ENTREP2: variants seen among roughly 807,000 people sequenced by gnomAD.
ENTREP2 encodes endosomal transmembrane epsin interactor 2, also known as protein ENTREP2.
chr15:29,523,561 ATTTTTTTTTTTTTTTT>A, the ENTREP2 span, among the ~76,000 whole-genome samples: 4 of 78,480 alleles, frequency 5.1e-5, no homozygotes, highest in African/African-American at 1.6e-4. Context: ...TCCCAGCTAG[ATTTTTTTTTTTTTTTT>A]TTTTTTTTTT....
chr15:29,264,841 C>A, the ENTREP2 span, among the ~76,000 whole-genome samples: 3 of 152,090 alleles, frequency 2.0e-5, no homozygotes, highest in African/African-American at 7.2e-5. Flanking sequence ...ACTAACCCCC[C>A]CTTATGTCAA....
At chr15:29,212,649 G>A in the ENTREP2 span, among the ~76,000 whole-genome samples, 3 of 152,090 alleles carry the variant, frequency 2.0e-5, no homozygotes, top group Non-Finnish European at 2.9e-5. Flanking sequence ...TCTTAGCACC[G>A]CCTTTGCTGT....
At chr15:29,368,575 A>T in the ENTREP2 span, among the ~76,000 whole-genome samples, 18 of 152,128 alleles carry the variant, frequency 1.2e-4, no homozygotes, top group African/African-American at 3.6e-4. Context: ...GATAGAAATT[A>T]TAAGAACCAA....
At chr15:29,300,718 C>G in the ENTREP2 span, among the ~76,000 whole-genome samples, 1 of 152,114 alleles carries the variant, frequency 6.6e-6, no homozygotes. Context: ...CCTGCCTCAG[C>G]CTCCCGAGTA....
At chr15:29,652,993 A>G in the ENTREP2 span, among the ~76,000 whole-genome samples, 4 of 151,048 alleles carry the variant, frequency 2.6e-5, no homozygotes, top group Admixed American at 1.3e-4. Flanking sequence ...TCCCATAAGA[A>G]AGGTTCTTAA....
the ENTREP2 span, among the ~76,000 whole-genome samples, chr15:29,655,226 G>A: frequency 1.6e-3 from 241 of 152,290 alleles, no homozygotes; most frequent in African/African-American, 5.6e-3. Context: ...CAGGACCACA[G>A]GACTACAGCT....
At chr15:29,649,944 C>A in the ENTREP2 span, among the ~76,000 whole-genome samples, 3 of 151,942 alleles carry the variant, frequency 2.0e-5, no homozygotes, top group Non-Finnish European at 2.9e-5. Flanking sequence ...CCCTTGGTAA[C>A]TAGAGATGTG....
chr15:29,642,120 T>C, the ENTREP2 span, among the ~76,000 whole-genome samples: 1 of 152,054 alleles, frequency 6.6e-6, no homozygotes, highest in Admixed American at 6.6e-5. Context: ...TTTGCAAAAA[T>C]TGACAAGCTG....
At chr15:29,399,498 T>A in the ENTREP2 span, among the ~76,000 whole-genome samples, 1 of 152,350 alleles carries the variant, frequency 6.6e-6, no homozygotes, top group African/African-American at 2.4e-5. Context: ...CCCAAAGGAA[T>A]TGATTCAGAA....
the ENTREP2 span, among the ~76,000 whole-genome samples, chr15:29,444,366 C>T: frequency 2.0e-5 from 3 of 151,994 alleles, no homozygotes; most frequent in Admixed American, 6.6e-5. Context: ...TTGCGGGGTG[C>T]GGGATAAAAA....
the ENTREP2 span, among the ~76,000 whole-genome samples, chr15:29,224,253 C>G: frequency 6.6e-6 from 1 of 152,120 alleles, no homozygotes; most frequent in African/African-American, 2.4e-5. Flanking sequence ...CGTGGTCTCA[C>G]TGGCTTCAGG....
At chr15:29,241,864 C>G in the ENTREP2 span, among the ~76,000 whole-genome samples, 4 of 152,130 alleles carry the variant, frequency 2.6e-5, no homozygotes, top group Non-Finnish European at 5.9e-5. Flanking sequence ...GAGACCCCCC[C>G]CCACCACCAC....
the ENTREP2 span, among the ~76,000 whole-genome samples, chr15:29,368,350 A>C: frequency 6.6e-6 from 1 of 150,876 alleles, no homozygotes; most frequent in African/African-American, 2.4e-5. Context: ...ATATATATAT[A>C]TATCTAGCTC....
At chr15:29,628,259 T>G in the ENTREP2 span, among the ~76,000 whole-genome samples, 1 of 152,344 alleles carries the variant, frequency 6.6e-6, no homozygotes, top group South Asian at 2.1e-4. Flanking sequence ...TTATTGGCCA[T>G]TTGTACAGCT....
the ENTREP2 span, among the ~76,000 whole-genome samples, chr15:29,357,601 G>C: frequency 2.0e-4 from 30 of 152,132 alleles, no homozygotes; most frequent in Non-Finnish European, 3.5e-4. Context: ...ACTTTGGGAG[G>C]CCGAGGCGGG....
the ENTREP2 span, among the ~76,000 whole-genome samples, chr15:29,528,977 C>T: frequency 6.6e-6 from 1 of 151,624 alleles, no homozygotes; most frequent in Non-Finnish European, 1.5e-5. Flanking sequence ...TGTAAATTCT[C>T]CTTTGTCCCA....
chr15:29,456,415 G>C, the ENTREP2 span, among the ~76,000 whole-genome samples: 1 of 152,196 alleles, frequency 6.6e-6, no homozygotes, highest in Non-Finnish European at 1.5e-5. Context: ...CATGAATCAA[G>C]AGACAGACAC....
the ENTREP2 span, among the ~76,000 whole-genome samples, chr15:29,289,845 CA>C: frequency 6.6e-6 from 1 of 151,898 alleles, no homozygotes; most frequent in South Asian, 2.1e-4. Context: ...GACTCCATCT[CA>C]AAAAATATAT....
chr15:29,509,873 C>G, the ENTREP2 span, among the ~76,000 whole-genome samples: 1 of 152,142 alleles, frequency 6.6e-6, no homozygotes, highest in African/African-American at 2.4e-5. Flanking sequence ...ACACCAAAAG[C>G]AATGGCAACA....
Sources: gnomAD v4.1 joint callset for allele counts (sites outside exome capture counted in the v4.1 genomes callset) on GRCh38, gnomAD v4.1.1 for gene constraint, MANE v1.5 for transcripts, NCBI Gene and HGNC (gene_info 2026-07-23, HGNC 2026-07-21) for gene names.